Variants in OR10H5 observed in about 807,000 individuals in gnomAD.
OR10H5 encodes olfactory receptor family 10 subfamily H member 5, also known as olfactory receptor 10H5.
Under a neutral mutation model 12.2 loss-of-function variants are expected in OR10H5, and 7 were observed. That is an observed-to-expected ratio of 0.57 (90% CI 0.33 to 1.07). OR10H5 has a LOEUF of 1.07. Ranked by LOEUF, OR10H5 falls within the 50% of genes least tolerant of loss-of-function variation. The pLI, the probability that OR10H5 is intolerant of heterozygous loss-of-function variation, is 0.04. For missense variants in OR10H5, 346 were observed against 411.6 expected (o/e 0.84, Z 1.38); for synonymous variants, 159 against 175.1 (o/e 0.91, Z 0.73).
At position 15,794,128 on chromosome 19, in the gene OR10H5, T is replaced by C; in HGVS notation, c.80T>C (p.Leu27Pro). 2 of 1,614,100 alleles carry C rather than the reference T, an allele frequency of 1.2e-6. No individual in the cohort carries two copies. The highest frequency in any genetic ancestry group is 2.7e-5 in the African/African-American group (2 of 75,014). ...GCCTTCCCCCACCTCCAGCTGATGC[T>C]CTTCCTGCTGTTCCTGCTGATGTAC... The part of the protein sequence containing the change: ...FSAFPHLQLM[L>P]FLLFLLMYLF... The change falls in exon 2 of 2, where the codon CTC becomes CCC. Residue 27 changes from leucine (L) to proline (P), a missense_variant. Leu to Pro is a moderately conservative substitution (Grantham distance 98, BLOSUM62 -3). Coordinates refer to ENST00000642092, the MANE Select transcript of OR10H5 (RefSeq NM_001004466.2).
In OR10H5 at chr19:15,799,091, C is replaced by T. The variant is rs540594139; in HGVS notation, c.*4095C>T. 1 of 152,098 alleles carries T rather than the reference C, an allele frequency of 6.6e-6. No homozygotes were observed. The highest frequency in any genetic ancestry group is 6.6e-5 in the Admixed American group (1 of 15,260). 9.4% of individuals were successfully genotyped at this position (152,098 alleles called of 1,614,324 possible). Reference sequence around the variant, plus strand: ...TTTCTAAAGGGAAACTCTGAAAAATCATCCCTCTACTTAAACCTTCTGTTT... The same window carrying T: ...TTTCTAAAGGGAAACTCTGAAAAATTATCCCTCTACTTAAACCTTCTGTTT... On this transcript the variant is annotated 3_prime_UTR_variant, in exon 2 of 2. Coordinates refer to ENST00000642092, the MANE Select transcript of OR10H5 (RefSeq NM_001004466.2).
intron 1 of OR10H5, among the ~76,000 whole-genome samples, chr19:15,788,902 C>T (rs1177688840): frequency 6.6e-6 from 1 of 152,182 alleles, no homozygotes; most frequent in Admixed American, 6.5e-5. Context: ...TTTCAGGGTA[C>T]ATGCTCAGGA....
rs56276316 is a variant in OR10H5, at chr19:15,800,187, T to G, written c.*5191T>G. 60,396 of 151,578 alleles carry G rather than the reference T, an allele frequency of 0.4. 12,997 individuals are homozygous for G. The highest frequency in any genetic ancestry group is 0.55 in the African/African-American group (22,598 of 41,248). 9.4% of individuals were successfully genotyped at this position (151,578 alleles called of 1,614,324 possible). On this transcript the variant is annotated 3_prime_UTR_variant, in exon 2 of 2. Transcript: ENST00000642092. The stretch of plus-strand genomic sequence containing the variant: ...GGTCCCTCAGAGCTTTTATCACAAG[T>G]TCCCATATATATTAATTGGTGCAAT...
intron 1 of OR10H5, among the ~76,000 whole-genome samples, chr19:15,790,206 G>A (rs1297689345): frequency 6.6e-6 from 1 of 152,104 alleles, no homozygotes; most frequent in Non-Finnish European, 1.5e-5. Flanking sequence ...AGGGTAGGAG[G>A]CATTTACAGT....
Position 15,797,591 on chromosome 19 carries a change from G to A in OR10H5, c.*2595G>A, listed in dbSNP as rs760241037. 3.9e-5 allele frequency: 6 copies of A among 152,080 alleles called. No individual in the cohort carries two copies. Among genetic ancestry groups the A allele is most frequent in the Non-Finnish European group, 5.9e-5 (4 of 68,000 alleles). 9.4% of individuals were successfully genotyped at this position (152,080 alleles called of 1,614,324 possible). A position where few individuals can be genotyped will look rare whatever the true frequency, so the allele number is the denominator to read the frequency against. ...GTCATTGTGTAAATTTGAAACAACCGGAGAAGTTGGGCTTAGTGTTGTTTT... is the reference window on the plus strand; with the variant it reads ...GTCATTGTGTAAATTTGAAACAACCAGAGAAGTTGGGCTTAGTGTTGTTTT... On this transcript the variant is annotated 3_prime_UTR_variant, in exon 2 of 2. Coordinates refer to ENST00000642092, the MANE Select transcript of OR10H5 (RefSeq NM_001004466.2).
Position 15,800,304 on chromosome 19 carries a change from C to G in OR10H5, c.*5308C>G, listed in dbSNP as rs897250371. The G allele has an allele frequency of 2.6e-5, 4 of 152,118 alleles. No homozygotes were observed. Among genetic ancestry groups the G allele is most frequent in the African/African-American group, 9.7e-5 (4 of 41,426 alleles). The allele number at this position is 152,118 out of a possible 1,614,324, so 9.4% of individuals were successfully genotyped here. On this transcript the variant is annotated 3_prime_UTR_variant, in exon 2 of 2. Coordinates refer to ENST00000642092, the MANE Select transcript of OR10H5 (RefSeq NM_001004466.2). ...GTTCAACCCTGTCTTCCCAGTGGTG[C>G]CTAGAAAAATGCCTGGTACACAGTA...
At position 15,794,412 on chromosome 19, in the gene OR10H5, C is replaced by A; in HGVS notation, c.364C>A (p.Arg122Ser). ...SFLLTVMGYD[R>S]YVAICHPLRY... Reference sequence around the variant, plus strand: ...CCTGCTCACTGTCATGGGCTACGACCGCTACGTGGCCATCTGCCACCCCCT... The same window carrying A: ...CCTGCTCACTGTCATGGGCTACGACAGCTACGTGGCCATCTGCCACCCCCT... The change falls in exon 2 of 2, where the codon CGC becomes AGC. Residue 122 changes from arginine to serine, a missense_variant. By Grantham distance (110) the Arg-to-Ser change is moderately radical. Coordinates refer to ENST00000642092, the MANE Select transcript of OR10H5 (RefSeq NM_001004466.2). The A allele has an allele frequency of 6.2e-7, 1 of 1,614,226 alleles. No individual in the cohort carries two copies. Among genetic ancestry groups the A allele is most frequent in the Non-Finnish European group, 8.5e-7 (1 of 1,180,046 alleles).
Position 15,794,516 on chromosome 19 carries a change from G to T in OR10H5, c.468G>T (p.Gly156=). The part of the protein sequence containing the change: ...GCSWAGGLVM[G]MVVTSAIFHL... Reference sequence around the variant, plus strand: ...CCTGGGCTGGTGGCTTGGTCATGGGGATGGTGGTGACCTCGGCCATTTTCC... The same window carrying T: ...CCTGGGCTGGTGGCTTGGTCATGGGTATGGTGGTGACCTCGGCCATTTTCC... Residue 156 remains glycine (G), a synonymous_variant, in exon 2 of 2, where the codon GGG becomes GGT. Transcript: ENST00000642092. The T allele has an allele frequency of 6.2e-7, 1 of 1,614,086 alleles. No individual in the cohort carries two copies.
rs1193707466 is a variant in OR10H5 at position 15,797,744 on chromosome 19, G to C, written c.*2748G>C. The C allele has an allele frequency of 6.6e-6, 1 of 151,586 alleles. No homozygotes were observed. Among genetic ancestry groups the C allele is most frequent in the African/African-American group, 2.4e-5 (1 of 41,280 alleles). 9.4% of individuals were successfully genotyped at this position (151,586 alleles called of 1,614,324 possible). A position where few individuals can be genotyped will look rare whatever the true frequency, so the allele number is the denominator to read the frequency against. ...CGTGGATTTTTTTTGCATTCATTTT[G>C]GTTTTTTAAAATATTGCATTAGGCC... On this transcript the variant is annotated 3_prime_UTR_variant, in exon 2 of 2. Coordinates refer to ENST00000642092, the MANE Select transcript of OR10H5 (RefSeq NM_001004466.2).
rs951737396 is a variant in OR10H5, at chr19:15,795,841, A to G, written c.*845A>G. The G allele has an allele frequency of 4.6e-5, 7 of 152,238 alleles. No homozygotes were observed. The highest frequency in any genetic ancestry group is 2.1e-4 in the South Asian group (1 of 4,834). The allele number at this position is 152,238 out of a possible 1,614,324, so 9.4% of individuals were successfully genotyped here. A position where few individuals can be genotyped will look rare whatever the true frequency, so the allele number is the denominator to read the frequency against. ...GCCCAGGCTGGAGTGCAGTAGTCCA[A>G]TCATGGCTAAGTGCAGCGTCAACTT... On this transcript the variant is annotated 3_prime_UTR_variant, in exon 2 of 2. Transcript: ENST00000642092.
chr19:15,790,305 A>G (rs563157799), intron 1 of OR10H5, among the ~76,000 whole-genome samples: 31 of 152,214 alleles, frequency 2.0e-4, no homozygotes, highest in Non-Finnish European at 3.8e-4. Flanking sequence ...GATGAGTGGC[A>G]ACCAGCTCAG....
Position 15,796,800 on chromosome 19 carries a change from A to C in OR10H5, c.*1804A>C, listed in dbSNP as rs2088841936. On this transcript the variant is annotated 3_prime_UTR_variant, in exon 2 of 2. Transcript: ENST00000642092. ...AATTAAACGCTTTGCAAAAAAAAAA[A>C]ACTACCCATTAAATCCGGGTTCCTG... 1 of 151,880 alleles carries C rather than the reference A, an allele frequency of 6.6e-6. No individual in the cohort carries two copies. Among genetic ancestry groups the C allele is most frequent in the Non-Finnish European group, 1.5e-5 (1 of 67,982 alleles). 9.4% of individuals were successfully genotyped at this position (151,880 alleles called of 1,614,324 possible). A position where few individuals can be genotyped will look rare whatever the true frequency, so the allele number is the denominator to read the frequency against.
In OR10H5 at chr19:15,796,387, G is replaced by T. The variant is rs1420290856; in HGVS notation, c.*1391G>T. 1 of 152,156 alleles carries T rather than the reference G, an allele frequency of 6.6e-6. No individual in the cohort carries two copies. Among genetic ancestry groups the T allele is most frequent in the Non-Finnish European group, 1.5e-5 (1 of 68,038 alleles). The allele number at this position is 152,156 out of a possible 1,614,324, so 9.4% of individuals were successfully genotyped here. ...AGAGAATTAGGGATACACCTTATGA[G>T]TTTGGCCAAACTGGCTGTAGTATTT... On this transcript the variant is annotated 3_prime_UTR_variant, in exon 2 of 2. Transcript: ENST00000642092.
rs185581143 is a variant in OR10H5 at position 15,794,316 on chromosome 19, C to T, written c.268C>T (p.Arg90Cys). 5.0e-4 allele frequency: 801 copies of T among 1,614,142 alleles called. 8 individuals carry two copies. In the South Asian group the frequency reaches 6.7e-3, roughly 14 times the overall value. The change falls in exon 2 of 2, where the codon CGC (arginine) becomes TGC (cysteine). Residue 90 changes from arginine to cysteine, a missense_variant. Physicochemically the swap from Arg to Cys is radical, Grantham distance 180. Transcript: ENST00000642092. ...RMLADLLSTQRSIAFLACASQ... is the reference protein window; with the variant it reads ...RMLADLLSTQCSIAFLACASQ... The stretch of plus-strand genomic sequence containing the variant: ...GCTGGCCGACCTGCTGTCCACCCAG[C>T]GCTCCATCGCCTTCCTGGCCTGTGC...
Position 15,794,509 on chromosome 19 carries a change from T to A in OR10H5, c.461T>A (p.Val154Asp), listed in dbSNP as rs1469618389. The part of the protein sequence containing the change: ...RVGCSWAGGL[V>D]MGMVVTSAIF... ...GGCTGCTCCTGGGCTGGTGGCTTGG[T>A]CATGGGGATGGTGGTGACCTCGGCC... Residue 154 changes from valine (V) to aspartate (D), a missense_variant, in exon 2 of 2, where the codon GTC becomes GAC. Coordinates refer to ENST00000642092, the MANE Select transcript of OR10H5 (RefSeq NM_001004466.2). 3.7e-6 allele frequency: 6 copies of A among 1,614,096 alleles called. No individual in the cohort carries two copies. Among genetic ancestry groups the A allele is most frequent in the Admixed American group, 1.7e-5 (1 of 60,004 alleles).
At chr19:15,790,560 T>C (rs1446610791) in intron 1 of OR10H5, among the ~76,000 whole-genome samples, 1 of 151,616 alleles carries the variant, frequency 6.6e-6, no homozygotes, top group Non-Finnish European at 1.5e-5. Flanking sequence ...GGAGGGGAGA[T>C]TGGTAAGCAC....
At position 15,794,777 on chromosome 19, in the gene OR10H5, C is replaced by T; in HGVS notation, c.729C>T (p.Ala243=). ...EGRNKAFSTC[A]SHLTVVVVHY... The stretch of plus-strand genomic sequence containing the variant: ...GGAACAAGGCCTTCTCCACCTGTGC[C>T]TCTCACCTCACTGTGGTGGTCGTGC... The change falls in exon 2 of 2, where the codon GCC becomes GCT. Residue 243 remains alanine (A), a synonymous_variant. Transcript: ENST00000642092. 1.9e-6 allele frequency: 3 copies of T among 1,613,688 alleles called. No individual in the cohort carries two copies. Among genetic ancestry groups the T allele is most frequent in the Non-Finnish European group, 2.5e-6 (3 of 1,179,688 alleles).
rs35311102 is a variant in OR10H5, at chr19:15,791,695, A to AT, written c.-11-2328dup. 3.2e-3 allele frequency among the ~76,000 whole-genome samples: 461 copies of AT among 143,876 alleles called. 1 individual carries two copies. Among genetic ancestry groups the AT allele is most frequent in the Middle Eastern group, 0.022 (6 of 278 alleles). 94.4% of individuals were successfully genotyped at this position (143,876 alleles called of 152,430 possible). On this transcript the variant is annotated intron_variant, in intron 1 of 1. Coordinates refer to ENST00000642092, the MANE Select transcript of OR10H5 (RefSeq NM_001004466.2). ...CCCTTTGTTTGCATGAATTATTATT[A>AT]TTTTTTTTTTTTTTTGAGACGGAGT...
At position 15,795,063 on chromosome 19, in the gene OR10H5, TTCCTTTCCTCCCTCCC is replaced by T. The variant is rs1468526653; in HGVS notation, c.*87_*102del. 2.4e-4 allele frequency: 332 copies of T among 1,384,968 alleles called. No individual in the cohort carries two copies. The highest frequency in any genetic ancestry group is 1.1e-3 in the Middle Eastern group (6 of 5,494). The allele number at this position is 1,384,968 out of a possible 1,614,324, so 85.8% of individuals were successfully genotyped here. On this transcript the variant is annotated 3_prime_UTR_variant, in exon 2 of 2. Coordinates refer to ENST00000642092, the MANE Select transcript of OR10H5 (RefSeq NM_001004466.2). ...CTTTAGTCTTCCTCCTTTATTTCTT[TTCCTTTCCTCCCTCCC>T]TCCTTTCCTCCCTCCCTCCCTTCCT...
Sources: gnomAD v4.1 joint callset for allele counts (sites outside exome capture counted in the v4.1 genomes callset) on GRCh38, gnomAD v4.1.1 for gene constraint, MANE v1.5 for transcripts, NCBI Gene and HGNC (gene_info 2026-07-23, HGNC 2026-07-21) for gene names.